The following PCDHA1 variants were observed in gnomAD, a reference collection of about 807,000 sequenced individuals.
The protein encoded by PCDHA1 is protocadherin alpha 1.
In PCDHA1, 42 loss-of-function variants were observed where a neutral mutation model predicts 61.3. The observed-to-expected ratio is 0.69, with a 90% confidence interval of 0.54 to 0.89. PCDHA1 has a LOEUF of 0.89. Ranked by LOEUF, PCDHA1 falls within the 40% of genes least tolerant of loss-of-function variation. The pLI is 0.00. For synonymous variants in PCDHA1, 610 were observed against 553.8 expected (o/e 1.10, Z -1.43); for missense variants, 1,256 against 1,235.3 (o/e 1.02, Z -0.25).
At chr5:140,968,125 T>G in intron 1 of PCDHA1, 2 of 1,614,174 alleles carry the variant, frequency 1.2e-6, no homozygotes, top group South Asian at 2.2e-5. Flanking sequence ...CATCCCTGCG[T>G]ACACTGAAGG....
intron 1 of PCDHA1, among the ~76,000 whole-genome samples, chr5:140,903,607 A>G (rs938837767): frequency 6.6e-6 from 1 of 152,254 alleles, no homozygotes; most frequent in Non-Finnish European, 1.5e-5. Context: ...TGCTTAATAC[A>G]CATGAATGTG....
chr5:140,794,978 T>C (rs782158371), intron 1 of PCDHA1: 1 of 1,610,506 alleles, frequency 6.2e-7, no homozygotes, highest in South Asian at 1.1e-5. Context: ...GCGTCTTCTA[T>C]CAGAAGGGGC....
intron 1 of PCDHA1, chr5:140,929,668 A>G (rs1554207270): frequency 3.1e-6 from 1 of 324,518 alleles, no homozygotes; most frequent in East Asian, 5.3e-5. Flanking sequence ...AAAGTGAAGA[A>G]TGAAAAATAT....
In PCDHA1 at chr5:140,823,700, C is replaced by T. The variant is rs144257451; in HGVS notation, c.2394+35016C>T. ...CGCTCTCTGGATGAGACCGAAGCAC[C>T]GCGCCACCGCCTTCTGGTGCTGGTG... On this transcript the variant is annotated intron_variant, in intron 1 of 3. Coordinates refer to ENST00000504120, the MANE Select transcript of PCDHA1 (RefSeq NM_018900.4). 9.7e-5 allele frequency: 156 copies of T among 1,613,940 alleles called. No individual in the cohort carries two copies. In the African/African-American group the frequency reaches 1.9e-3, roughly 20 times the overall value.
chr5:140,827,858 A>G (rs1273847275), intron 1 of PCDHA1: 5 of 508,162 alleles, frequency 9.8e-6, no homozygotes, highest in Non-Finnish European at 1.7e-5. Flanking sequence ...TTAAAAATAT[A>G]TGGTATAGCA....
At chr5:140,928,760 T>G (rs782568767) in intron 1 of PCDHA1, 6 of 1,614,060 alleles carry the variant, frequency 3.7e-6, no homozygotes, top group Non-Finnish European at 5.1e-6. Flanking sequence ...ACTGCTCGCT[T>G]AGTTCTTCCC....
intron 1 of PCDHA1, chr5:140,969,531 A>G: frequency 7.4e-7 from 1 of 1,356,026 alleles, no homozygotes; most frequent in South Asian, 1.6e-5. Context: ...TTTATTTTTC[A>G]TTTTCAGAGG....
chr5:140,993,939 T>C (rs1449633283), intron 3 of PCDHA1, among the ~76,000 whole-genome samples: 5 of 152,198 alleles, frequency 3.3e-5, no homozygotes, highest in Non-Finnish European at 7.3e-5. Context: ...ATATCCCCAT[T>C]GTTAAGTGAT....
At chr5:140,904,447 C>T (rs2071139964) in intron 1 of PCDHA1, among the ~76,000 whole-genome samples, 1 of 151,118 alleles carries the variant, frequency 6.6e-6, no homozygotes, top group Non-Finnish European at 1.5e-5. Flanking sequence ...ATTACAATTT[C>T]TTTATACACT....
intron 1 of PCDHA1, among the ~76,000 whole-genome samples, chr5:140,833,353 G>A (rs2150207714): frequency 9.9e-5 from 15 of 152,096 alleles, no homozygotes; most frequent in East Asian, 1.9e-4. Flanking sequence ...TCCAGAAAAC[G>A]AACACAGTAA....
intron 1 of PCDHA1, among the ~76,000 whole-genome samples, chr5:140,956,438 G>A (rs891696288): frequency 1.3e-5 from 2 of 152,154 alleles, no homozygotes; most frequent in Non-Finnish European, 2.9e-5. Context: ...TTCTGCTTAT[G>A]TGATGAATTA....
intron 1 of PCDHA1, among the ~76,000 whole-genome samples, chr5:140,873,773 G>A (rs1554166889): frequency 6.6e-6 from 1 of 152,120 alleles, no homozygotes; most frequent in Non-Finnish European, 1.5e-5. Context: ...CAATTCTCCT[G>A]CCTCAGCTTT....
At chr5:140,905,621 T>C (rs1180191773) in intron 1 of PCDHA1, among the ~76,000 whole-genome samples, 1 of 152,224 alleles carries the variant, frequency 6.6e-6, no homozygotes, top group Non-Finnish European at 1.5e-5. Flanking sequence ...TAGATTGCTT[T>C]TGACAGTATG....
intron 1 of PCDHA1, chr5:140,805,052 C>A (rs1763500442): frequency 1.9e-6 from 3 of 1,591,196 alleles, no homozygotes; most frequent in African/African-American, 2.7e-5. Context: ...AAGTACTTGT[C>A]TTCCCAGATA....
chr5:140,850,114 C>T (rs2150468329), intron 1 of PCDHA1: 2 of 1,595,992 alleles, frequency 1.3e-6, no homozygotes, highest in Non-Finnish European at 1.7e-6. Context: ...GCGCGCGACG[C>T]GGGCGTGCCG....
intron 1 of PCDHA1, chr5:140,841,722 G>A (rs2150321630): frequency 1.2e-6 from 2 of 1,613,870 alleles, no homozygotes; most frequent in Admixed American, 1.7e-5. Context: ...CCAGTGTTCC[G>A]GGTAAAAGAC....
At chr5:140,796,977 A>T (rs147392568) in intron 1 of PCDHA1, 5 of 1,613,746 alleles carry the variant, frequency 3.1e-6, no homozygotes, top group Non-Finnish European at 4.2e-6. Flanking sequence ...CGTTGGTGGA[A>T]AGTGGCCAGG....
At chr5:140,995,452 G>C (rs1400573812) in intron 3 of PCDHA1, among the ~76,000 whole-genome samples, 1 of 152,098 alleles carries the variant, frequency 6.6e-6, no homozygotes, top group African/African-American at 2.4e-5. Context: ...CTTATGAATT[G>C]TTTATTTTTG....
intron 1 of PCDHA1, among the ~76,000 whole-genome samples, chr5:140,838,466 C>T (rs1775745526): frequency 6.6e-6 from 1 of 151,588 alleles, no homozygotes; most frequent in South Asian, 2.1e-4. Context: ...TTCATTAGCG[C>T]TTATTCCTTG....
Sources: gnomAD v4.1 joint callset for allele counts (sites outside exome capture counted in the v4.1 genomes callset) on GRCh38, gnomAD v4.1.1 for gene constraint, MANE v1.5 for transcripts, NCBI Gene and HGNC (gene_info 2026-07-23, HGNC 2026-07-21) for gene names.